The following DGKB variants were observed in gnomAD, a reference collection of about 807,000 sequenced individuals.
DGKB encodes 90 kDa diacylglycerol kinase.
DGKB carries 67 observed loss-of-function variants against 114.3 expected under a neutral mutation model. The observed-to-expected ratio is 0.59, with a 90% CI of 0.48 to 0.72. The LOEUF is 0.72. Among genes scored for constraint, DGKB ranks in the 30% least tolerant of loss-of-function variants. The pLI is 0.00. For missense variants in DGKB, 907 were observed against 975.2 expected (o/e 0.93, Z 0.93); for synonymous variants, 398 against 323.1 (o/e 1.23, Z -2.49).
At chr7:14,896,700 AAGG>A (rs961592590) in intron 1 of DGKB, among the ~76,000 whole-genome samples, 2 of 151,774 alleles carry the variant, frequency 1.3e-5, no homozygotes, top group Non-Finnish European at 2.9e-5. Flanking sequence ...CCTGTTTTAC[AAGG>A]AGAAGTCTAA....
intron 25 of DGKB, among the ~76,000 whole-genome samples, chr7:14,155,376 T>C (rs1782855900): frequency 6.6e-6 from 1 of 152,118 alleles, no homozygotes; most frequent in African/African-American, 2.4e-5. Flanking sequence ...ATAATGATGA[T>C]AGAAGATATG....
intron 5 of DGKB, 77 bp downstream of exon 5, chr7:14,735,964 C>G (rs1408338853): frequency 1.2e-6 from 1 of 868,206 alleles, no homozygotes; most frequent in African/African-American, 1.7e-5. Flanking sequence ...AATCATCATT[C>G]ATCTTTTATG....
At chr7:14,440,983 C>G (rs1269715988) in intron 21 of DGKB, among the ~76,000 whole-genome samples, 3 of 151,764 alleles carry the variant, frequency 2.0e-5, no homozygotes, top group African/African-American at 7.3e-5. Flanking sequence ...AATAGTTTTC[C>G]TTCTGTTTAT....
chr7:14,700,306 C>T (rs769815595), intron 7 of DGKB, among the ~76,000 whole-genome samples: 70 of 151,724 alleles, frequency 4.6e-4, no homozygotes, highest in Admixed American at 8.5e-4. Context: ...CTCCGCCTCC[C>T]GGGTTCAAGC....
At chr7:14,686,857 CT>C (rs1275508217) in intron 9 of DGKB, among the ~76,000 whole-genome samples, 3 of 151,724 alleles carry the variant, frequency 2.0e-5, no homozygotes, top group African/African-American at 7.3e-5. Flanking sequence ...TTCTTTCTTT[CT>C]TTTTTTTCTT....
rs572761544 is a variant in DGKB, at chr7:14,782,147, C to T, written c.71-24416G>A. Among the ~76,000 whole-genome samples, 658 of 152,240 alleles carry T rather than the reference C, an allele frequency of 4.3e-3. 7 individuals are homozygous for T. Among genetic ancestry groups the T allele is most frequent in the African/African-American group, 0.015 (616 of 41,530 alleles). On this transcript the variant is annotated intron_variant, in intron 2 of 25. Transcript: ENST00000402815. ...TCAAGCAATTCTCATGCCTCAGTCT[C>T]CTGACTAACTGGGACTATAGGCCTG...
chr7:14,771,193 G>T (rs1296989373), intron 2 of DGKB, among the ~76,000 whole-genome samples: 1 of 152,106 alleles, frequency 6.6e-6, no homozygotes, highest in Non-Finnish European at 1.5e-5. Flanking sequence ...CTTAGTTATA[G>T]ATTAGAGGTT....
chr7:14,913,017 T>A (rs1057415957), intron 1 of DGKB, among the ~76,000 whole-genome samples: 2 of 152,158 alleles, frequency 1.3e-5, no homozygotes, highest in African/African-American at 4.8e-5. Flanking sequence ...ACTTTCTTTC[T>A]CATAGAAGAT....
chr7:14,258,149 T>G (rs1796222196), intron 23 of DGKB, among the ~76,000 whole-genome samples: 2 of 152,318 alleles, frequency 1.3e-5, no homozygotes, highest in African/African-American at 4.8e-5. Context: ...CTTCTAACTG[T>G]GAAAGGGATT....
chr7:14,166,054 C>T (rs996058405), intron 25 of DGKB, among the ~76,000 whole-genome samples: 1 of 152,140 alleles, frequency 6.6e-6, no homozygotes, highest in East Asian at 1.9e-4. Flanking sequence ...TGTTTCATGA[C>T]CTTGGACATT....
intron 21 of DGKB, among the ~76,000 whole-genome samples, chr7:14,374,285 A>C (rs1183567398): frequency 6.6e-6 from 1 of 152,142 alleles, no homozygotes; most frequent in Non-Finnish European, 1.5e-5. Flanking sequence ...GGGTTACCCC[A>C]CTGGGAGCGA....
At chr7:14,694,982 G>A (rs1023653587) in intron 8 of DGKB, among the ~76,000 whole-genome samples, 1 of 152,064 alleles carries the variant, frequency 6.6e-6, no homozygotes, top group African/African-American at 2.4e-5. Context: ...GGCAAACATG[G>A]TAAGAATTCT....
At chr7:14,551,964 C>A (rs549577314) in intron 20 of DGKB, among the ~76,000 whole-genome samples, 17 of 152,008 alleles carry the variant, frequency 1.1e-4, no homozygotes, top group African/African-American at 3.4e-4. Flanking sequence ...TTATTAAGCC[C>A]TAATGTTCTA....
At chr7:14,336,775 A>G (rs1810751940) in intron 23 of DGKB, among the ~76,000 whole-genome samples, 1 of 152,186 alleles carries the variant, frequency 6.6e-6, no homozygotes, top group South Asian at 2.1e-4. Flanking sequence ...TGTATGCAGC[A>G]GCTCCAGAGC....
At chr7:14,364,025 A>G (rs1816212400) in intron 21 of DGKB, among the ~76,000 whole-genome samples, 1 of 152,106 alleles carries the variant, frequency 6.6e-6, no homozygotes, top group Non-Finnish European at 1.5e-5. Context: ...TTTCTATAGT[A>G]CAGGTCAGCT....
chr7:14,720,975 C>A (rs1236063594), intron 5 of DGKB, among the ~76,000 whole-genome samples: 1 of 152,058 alleles, frequency 6.6e-6, no homozygotes, highest in African/African-American at 2.4e-5. Context: ...ATGACCATAA[C>A]TTTCAGACTT....
At chr7:14,414,065 T>C (rs946047897) in intron 21 of DGKB, among the ~76,000 whole-genome samples, 2 of 152,140 alleles carry the variant, frequency 1.3e-5, no homozygotes, top group African/African-American at 2.4e-5. Flanking sequence ...ATTATACAGA[T>C]AATTCAAGAA....
intron 1 of DGKB, among the ~76,000 whole-genome samples, chr7:14,918,829 C>T (rs965830994): frequency 2.0e-5 from 3 of 151,890 alleles, no homozygotes; most frequent in African/African-American, 2.4e-5. Context: ...CTTTGGGAGG[C>T]CGAGGGGGGC....
At chr7:14,800,600 G>A (rs1410330365) in intron 2 of DGKB, among the ~76,000 whole-genome samples, 1 of 152,196 alleles carries the variant, frequency 6.6e-6, no homozygotes, top group Admixed American at 6.5e-5. Flanking sequence ...GTGGGACCCT[G>A]TGATTGTATA....
Sources: allele counts gnomAD v4.1 joint callset (sites outside exome capture counted in the v4.1 genomes callset), GRCh38; gene constraint gnomAD v4.1.1; transcripts MANE v1.5; gene names NCBI Gene and HGNC (gene_info 2026-07-23, HGNC 2026-07-21).